KDM7A: variants seen among roughly 807,000 people sequenced by gnomAD.
KDM7A encodes the protein lysine demethylase 7A.
KDM7A carries 28 observed loss-of-function variants against 114.8 expected under a neutral mutation model. The ratio of observed to expected loss-of-function variants is 0.24; its 90% CI spans 0.18 to 0.33. KDM7A has a LOEUF of 0.33. Among genes scored for constraint, KDM7A ranks in the 10% least tolerant of loss-of-function variants. The probability of loss-of-function intolerance (pLI) is 1.00; values close to 1 mark genes in which losing one functional copy is unlikely to be tolerated. For missense variants in KDM7A, 942 were observed against 1,142.5 expected, an observed-to-expected ratio of 0.82 and a Z score of 2.53; for synonymous variants, 423 against 397.8, an observed-to-expected ratio of 1.06 and a Z score of -0.75.
intron 12 of KDM7A, among the ~76,000 whole-genome samples, chr7:140,100,725 T>C (rs868087900): frequency 2.3e-4 from 13 of 57,166 alleles, no homozygotes; most frequent in Middle Eastern, 0.012. Flanking sequence ...TATATATATA[T>C]ATATATATAT....
intron 11 of KDM7A, among the ~76,000 whole-genome samples, chr7:140,106,730 G>C (rs913213579): frequency 1.3e-5 from 2 of 152,230 alleles, no homozygotes; most frequent in Admixed American, 1.3e-4. Context: ...TTTGGAATAA[G>C]TGCGACGTAG....
chr7:140,149,217 A>G lies in KDM7A; in HGVS notation c.195-10027T>C, dbSNP rs190817309. Among the ~76,000 whole-genome samples the G allele has an allele frequency of 5.3e-5, 8 of 152,318 alleles. No individual in the cohort carries two copies. The East Asian group carries it at 1.4e-3, about 26-fold the overall frequency. The stretch of plus-strand genomic sequence containing the variant: ...AGTGGTACAAAACATACTCCCCAAA[A>G]AGCTAAAAATCCTGTTGACAAGCTT... On this transcript the variant is annotated intron_variant, in intron 1 of 19. Transcript: ENST00000397560.
chr7:140,104,070 A>G (rs1267971343), intron 11 of KDM7A, among the ~76,000 whole-genome samples: 1 of 152,170 alleles, frequency 6.6e-6, no homozygotes, highest in Non-Finnish European at 1.5e-5. Context: ...AGTGATGATG[A>G]GCATTTTTTC....
chr7:140,153,110 G>A (rs1008900493), intron 1 of KDM7A, among the ~76,000 whole-genome samples: 3 of 151,464 alleles, frequency 2.0e-5, no homozygotes, highest in Non-Finnish European at 4.4e-5. Context: ...CGCCCACCTC[G>A]GCCTCCCAAA....
intron 9 of KDM7A, among the ~76,000 whole-genome samples, chr7:140,118,655 G>C (rs779390301): frequency 6.0e-5 from 9 of 150,742 alleles, no homozygotes; most frequent in Non-Finnish European, 1.2e-4. Context: ...GACCTCAGGT[G>C]ATCTGCCTGC....
At chr7:140,108,309 C>T (rs900575179) in intron 11 of KDM7A, among the ~76,000 whole-genome samples, 11 of 152,182 alleles carry the variant, frequency 7.2e-5, no homozygotes, top group African/African-American at 1.9e-4. Flanking sequence ...CGTCCAGCTT[C>T]GTTCCGTTGC....
chr7:140,134,159 T>G (rs894503878), intron 2 of KDM7A, among the ~76,000 whole-genome samples: 1 of 152,184 alleles, frequency 6.6e-6, no homozygotes, highest in African/African-American at 2.4e-5. Flanking sequence ...AGCAGGTGAC[T>G]GAGTCATAAT....
At chr7:140,165,284 G>A (rs898699010) in intron 1 of KDM7A, among the ~76,000 whole-genome samples, 6 of 152,162 alleles carry the variant, frequency 3.9e-5, no homozygotes, top group Non-Finnish European at 7.3e-5. Context: ...ACCAGAGCCA[G>A]TGGTGTTTTT....
chr7:140,136,758 A>C (rs1384269630), intron 2 of KDM7A, among the ~76,000 whole-genome samples: 1 of 152,184 alleles, frequency 6.6e-6, no homozygotes, highest in Non-Finnish European at 1.5e-5. Context: ...TCACGCCTGT[A>C]ATCTCAGCAC....
chr7:140,167,914 T>C (rs1794596155), intron 1 of KDM7A, among the ~76,000 whole-genome samples: 1 of 151,946 alleles, frequency 6.6e-6, no homozygotes, highest in South Asian at 2.1e-4. Flanking sequence ...TCCTTAAATA[T>C]TGAGGGACAA....
At chr7:140,116,423 T>C (rs1227544304) in intron 9 of KDM7A, among the ~76,000 whole-genome samples, 3 of 152,158 alleles carry the variant, frequency 2.0e-5, no homozygotes, top group African/African-American at 7.2e-5. Context: ...AGTTTACAAA[T>C]GGAGAAAATT....
intron 1 of KDM7A, among the ~76,000 whole-genome samples, chr7:140,165,108 A>G (rs1447308016): frequency 3.9e-5 from 6 of 152,178 alleles, no homozygotes; most frequent in Non-Finnish European, 8.8e-5. Context: ...GAACCTCAGG[A>G]TACTTTATAT....
Position 140,133,550 on chromosome 7 carries a change from T to C in KDM7A, c.387A>G (p.Arg129=). Residue 129 remains arginine, a synonymous_variant, in exon 3 of 20, where the codon CGA becomes CGG. Transcript: ENST00000397560. The stretch of plus-strand genomic sequence containing the variant: ...GTAAGTTTCCATACCTTGGGAAGAC[T>C]CGAGAGCGTAATTCCTTAATGAAAG... The part of the protein sequence containing the change: ...TRTFIKELRS[R]VFPSADEIII... The C allele has an allele frequency of 6.3e-7, 1 of 1,583,464 alleles. No individual in the cohort carries two copies. Among genetic ancestry groups the C allele is most frequent in the Non-Finnish European group, 8.7e-7 (1 of 1,152,998 alleles).
At chr7:140,155,731 CACAA>C (rs1794451103) in intron 1 of KDM7A, among the ~76,000 whole-genome samples, 1 of 152,168 alleles carries the variant, frequency 6.6e-6, no homozygotes, top group Admixed American at 6.5e-5. Flanking sequence ...CAATCTGGTG[CACAA>C]ACAGTCCAGC....
rs556388113 is a variant in KDM7A, at chr7:140,144,525, TCTA to T, written c.195-5338_195-5336del. Among the ~76,000 whole-genome samples, 951 of 152,310 alleles carry T rather than the reference TCTA, an allele frequency of 6.2e-3. 19 individuals carry two copies. The highest frequency in any genetic ancestry group is 0.021 in the African/African-American group (868 of 41,554). ...GTCTTCATACTACAGTCTAAGGGCTTCTACTTTTCTCAGCTAAGTTTAGTGTGA... is the reference window on the plus strand; with the variant it reads ...GTCTTCATACTACAGTCTAAGGGCTTCTTTTCTCAGCTAAGTTTAGTGTGA... On this transcript the variant is annotated intron_variant, in intron 1 of 19. Transcript: ENST00000397560.
At chr7:140,113,706 T>C (rs1188842990) in intron 9 of KDM7A, 124 bp from the exon 10 acceptor site, 1 of 467,056 alleles carries the variant, frequency 2.1e-6, no homozygotes, top group East Asian at 3.3e-5. Context: ...TTAATAAAAA[T>C]ATAAAAAGTG....
chr7:140,119,010 T>A, intron 9 of KDM7A, 103 bp downstream of exon 9: 1 of 644,138 alleles, frequency 1.6e-6, no homozygotes, highest in Non-Finnish European at 2.7e-6. Flanking sequence ...AGGAGTGACA[T>A]CCATACACTA....
intron 1 of KDM7A, among the ~76,000 whole-genome samples, chr7:140,145,654 T>C (rs1284644471): frequency 6.6e-6 from 1 of 152,152 alleles, no homozygotes; most frequent in Non-Finnish European, 1.5e-5. Context: ...AAGAAATAGG[T>C]ACTATACTCC....
At chr7:140,101,531 CTGT>C (rs946113107) in intron 12 of KDM7A, among the ~76,000 whole-genome samples, 21 of 152,276 alleles carry the variant, frequency 1.4e-4, no homozygotes, top group African/African-American at 5.1e-4. Flanking sequence ...CCCCTTTATT[CTGT>C]TGTTCTATTG....
Sources: gnomAD v4.1 joint callset for allele counts (sites outside exome capture counted in the v4.1 genomes callset) on GRCh38, gnomAD v4.1.1 for gene constraint, MANE v1.5 for transcripts, NCBI Gene and HGNC (gene_info 2026-07-23, HGNC 2026-07-21) for gene names.